The following ERC1 variants were observed in gnomAD, a reference collection of about 807,000 sequenced individuals.
The protein encoded by ERC1 is ELKS/RAB6-interacting/CAST family member 1.
A neutral mutation model predicts 132.0 loss-of-function variants in ERC1; 56 were observed. The observed-to-expected ratio is 0.42, with a 90% CI of 0.34 to 0.53. The LOEUF is 0.53. Ranked by LOEUF, ERC1 falls within the 20% of genes least tolerant of loss-of-function variation. ERC1 has a pLI of 0.03. For missense variants in ERC1, 1,202 were observed against 1,349.9 expected, an observed-to-expected ratio of 0.89 and a Z score of 1.72; for synonymous variants, 478 against 476.1, an observed-to-expected ratio of 1.00 and a Z score of -0.05.
intron 12 of ERC1, among the ~76,000 whole-genome samples, chr12:1,199,573 C>T (rs1040573738): frequency 6.6e-6 from 1 of 151,854 alleles, no homozygotes; most frequent in Non-Finnish European, 1.5e-5. Flanking sequence ...GAGTTCGAGA[C>T]CAGCCTGACC....
At chr12:1,226,956 C>A (rs538104548) in intron 12 of ERC1, among the ~76,000 whole-genome samples, 1 of 152,190 alleles carries the variant, frequency 6.6e-6, no homozygotes, top group Non-Finnish European at 1.5e-5. Flanking sequence ...GGATTACAGG[C>A]GTGAGCCACT....
chr12:1,309,104 A>AAG (rs2081096349), intron 15 of ERC1, among the ~76,000 whole-genome samples: 1 of 152,150 alleles, frequency 6.6e-6, no homozygotes. Flanking sequence ...AGCCTCTGGA[A>AAG]CTGTGAGAAG....
intron 1 of ERC1, among the ~76,000 whole-genome samples, chr12:1,001,803 C>G (rs548856187): frequency 2.6e-4 from 38 of 144,688 alleles, no homozygotes; most frequent in African/African-American, 9.5e-4. Context: ...TAGGTTGTTT[C>G]TAGTTTTGGG....
intron 4 of ERC1, among the ~76,000 whole-genome samples, chr12:1,106,491 G>A (rs1037139044): frequency 1.3e-5 from 2 of 151,400 alleles, no homozygotes; most frequent in African/African-American, 4.9e-5. Flanking sequence ...GTAGTTATGG[G>A]AACTGTTGTC....
intron 14 of ERC1, among the ~76,000 whole-genome samples, chr12:1,264,971 A>G (rs916877960): frequency 2.0e-5 from 3 of 152,192 alleles, no homozygotes; most frequent in Admixed American, 6.5e-5. Flanking sequence ...CAAGTATAGA[A>G]AAAAAGACCA....
At chr12:1,003,334 ATC>A (rs1962842171) in intron 1 of ERC1, among the ~76,000 whole-genome samples, 2 of 152,090 alleles carry the variant, frequency 1.3e-5, no homozygotes, top group Non-Finnish European at 2.9e-5. Flanking sequence ...TAGTCCTAGT[ATC>A]TGATGGTATT....
In ERC1 at chr12:1,108,858, C is replaced by G. The variant is rs564689787; in HGVS notation, c.1162-1334C>G. On this transcript the variant is annotated intron_variant, in intron 4 of 18. Transcript: ENST00000360905. ...AGGAATACATCCTCTCCTCCCCTCC[C>G]TTGAACCTGAAAATAGCTAGGTGTA... 1.4e-4 allele frequency among the ~76,000 whole-genome samples: 21 copies of G among 152,316 alleles called. No individual in the cohort carries two copies. The South Asian group carries it at 4.1e-3, about 30-fold the overall frequency.
chr12:1,077,083 A>G (rs1021810151), intron 2 of ERC1, among the ~76,000 whole-genome samples: 1 of 152,224 alleles, frequency 6.6e-6, no homozygotes, highest in African/African-American at 2.4e-5. Context: ...TATATGTTTC[A>G]GAAAAAAATG....
chr12:1,182,378 TG>T (rs1450199489), intron 10 of ERC1, among the ~76,000 whole-genome samples: 2 of 152,196 alleles, frequency 1.3e-5, no homozygotes, highest in East Asian at 3.8e-4. Context: ...ATAAGAAAGT[TG>T]ACAGATAAAA....
intron 7 of ERC1, among the ~76,000 whole-genome samples, chr12:1,127,583 C>G (rs1948338541): frequency 6.6e-6 from 1 of 151,348 alleles, no homozygotes; most frequent in Admixed American, 6.6e-5. Context: ...GCTCACTTTA[C>G]AGTACTTGTT....
At chr12:1,121,244 G>A (rs772271803) in intron 7 of ERC1, among the ~76,000 whole-genome samples, 137 of 152,196 alleles carry the variant, frequency 9.0e-4, no homozygotes, top group Non-Finnish European at 1.4e-3. Context: ...TGATCATAAC[G>A]CTGCAATTCC....
chr12:1,260,571 TAGG>T (rs1424087312), intron 13 of ERC1, among the ~76,000 whole-genome samples: 1 of 152,186 alleles, frequency 6.6e-6, no homozygotes, highest in East Asian at 1.9e-4. Context: ...TTAAATTAAA[TAGG>T]AGATTCAAGC....
intron 18 of ERC1, among the ~76,000 whole-genome samples, chr12:1,485,611 T>C (rs1037155942): frequency 6.6e-6 from 1 of 152,238 alleles, no homozygotes; most frequent in African/African-American, 2.4e-5. Flanking sequence ...TATTAGGTTA[T>C]AGGTTTTTAG....
At chr12:1,207,480 C>T (rs974971700) in intron 12 of ERC1, among the ~76,000 whole-genome samples, 1 of 152,122 alleles carries the variant, frequency 6.6e-6, no homozygotes, top group African/African-American at 2.4e-5. Context: ...CTCTATTGTT[C>T]AAGAGCGTAT....
At chr12:1,155,584 C>T (rs1359822278) in intron 8 of ERC1, among the ~76,000 whole-genome samples, 1 of 152,006 alleles carries the variant, frequency 6.6e-6, no homozygotes, top group East Asian at 1.9e-4. Context: ...TCACACCATT[C>T]TCCTGCCTCA....
chr12:1,323,328 T>A (rs1008295104), intron 15 of ERC1, among the ~76,000 whole-genome samples: 2 of 152,230 alleles, frequency 1.3e-5, no homozygotes. Flanking sequence ...GCCTTCACTT[T>A]GAATATTAGC....
chr12:1,457,395 A>G (rs2093560762), intron 18 of ERC1, among the ~76,000 whole-genome samples: 1 of 152,238 alleles, frequency 6.6e-6, no homozygotes, highest in African/African-American at 2.4e-5. Flanking sequence ...CAACATCTTC[A>G]GCATCCTTCC....
intron 12 of ERC1, among the ~76,000 whole-genome samples, chr12:1,211,447 C>G (rs573862608): frequency 6.6e-6 from 1 of 152,164 alleles, no homozygotes. Context: ...CGTGCCCGGC[C>G]TAAGTTGAGA....
intron 15 of ERC1, among the ~76,000 whole-genome samples, chr12:1,315,897 A>AT (rs1470031394): frequency 0.011 from 1,487 of 135,740 alleles, 21 homozygotes; most frequent in African/African-American, 0.036. Context: ...AATGGTAAAC[A>AT]TTTTTTTTTT....
Sources: gnomAD v4.1 joint callset for allele counts (sites outside exome capture counted in the v4.1 genomes callset) on GRCh38, gnomAD v4.1.1 for gene constraint, MANE v1.5 for transcripts, NCBI Gene and HGNC (gene_info 2026-07-23, HGNC 2026-07-21) for gene names.